Variants in PXK observed in about 807,000 individuals in gnomAD.
PXK encodes the protein PX domain containing serine/threonine kinase like.
Under a neutral mutation model 84.7 loss-of-function variants are expected in PXK, and 35 were observed. That is an observed-to-expected ratio of 0.41 (90% confidence interval 0.32 to 0.55). The LOEUF (loss-of-function observed/expected upper bound fraction) is 0.55. Ranked by LOEUF, PXK falls within the 20% of genes least tolerant of loss-of-function variation. The probability of loss-of-function intolerance (pLI) is 0.21; values close to 1 mark genes in which losing one functional copy is unlikely to be tolerated. For missense variants in PXK, 634 were observed against 699.7 expected (o/e 0.91, Z 1.06); for synonymous variants, 253 against 260.8 (o/e 0.97, Z 0.29).
At chr3:58,351,737 C>T (rs1190225086) in intron 1 of PXK, among the ~76,000 whole-genome samples, 3 of 152,016 alleles carry the variant, frequency 2.0e-5, no homozygotes, top group African/African-American at 7.2e-5. Context: ...ACAACAGAGG[C>T]TGGAGTCATG....
At chr3:58,403,823 G>A (rs1269188405) in intron 12 of PXK, 39 bp from the exon 13 acceptor site, 1 of 1,402,146 alleles carries the variant, frequency 7.1e-7, no homozygotes, top group Non-Finnish European at 9.8e-7. Flanking sequence ...GAGTGCACGT[G>A]GTTCAAGAAA....
intron 3 of PXK, among the ~76,000 whole-genome samples, chr3:58,378,827 C>T (rs1442557828): frequency 3.3e-5 from 5 of 151,914 alleles, no homozygotes; most frequent in Non-Finnish European, 5.9e-5. Flanking sequence ...TGAGCCACCG[C>T]GCCCAGCCGG....
intron 17 of PXK, chr3:58,420,390 T>G: frequency 1.1e-5 from 11 of 1,021,576 alleles, no homozygotes; most frequent in African/African-American, 1.6e-5. Flanking sequence ...GTGGTTAATT[T>G]GAGTATATCC....
chr3:58,418,776 A>C (rs2061378661), intron 17 of PXK, among the ~76,000 whole-genome samples: 1 of 152,196 alleles, frequency 6.6e-6, no homozygotes, highest in African/African-American at 2.4e-5. Flanking sequence ...TTTTGAGGTG[A>C]GAGAGCTGGC....
chr3:58,352,531 G>A (rs896869281), intron 1 of PXK, among the ~76,000 whole-genome samples: 10 of 152,114 alleles, frequency 6.6e-5, no homozygotes, highest in Admixed American at 1.3e-4. Flanking sequence ...GTTATATTTC[G>A]TTTTTAATTA....
intron 4 of PXK, among the ~76,000 whole-genome samples, chr3:58,386,525 G>C (rs980858053): frequency 2.0e-5 from 3 of 151,858 alleles, no homozygotes; most frequent in African/African-American, 7.3e-5. Flanking sequence ...TTGAACTCCT[G>C]ACCTTGTGAT....
chr3:58,406,750 G>A (rs1484010057), intron 13 of PXK, among the ~76,000 whole-genome samples: 2 of 151,946 alleles, frequency 1.3e-5, no homozygotes, highest in African/African-American at 2.4e-5. Flanking sequence ...CCACAGCTCC[G>A]GGCAATCACT....
At chr3:58,367,346 G>A (rs1372226515) in intron 2 of PXK, among the ~76,000 whole-genome samples, 3 of 151,816 alleles carry the variant, frequency 2.0e-5, no homozygotes, top group Non-Finnish European at 4.4e-5. Context: ...CTGGGTTCAC[G>A]CCATTCTCCT....
At chr3:58,373,734 G>C (rs2098409436) in intron 3 of PXK, among the ~76,000 whole-genome samples, 1 of 152,112 alleles carries the variant, frequency 6.6e-6, no homozygotes, top group South Asian at 2.1e-4. Context: ...CCTGGAAGTT[G>C]CTGTAAGCTT....
rs888058210 is a variant in PXK, at chr3:58,401,592, C to T, written c.1181+2215C>T. Among the ~76,000 whole-genome samples, 7 of 152,130 alleles carry T rather than the reference C, an allele frequency of 4.6e-5. No individual in the cohort carries two copies. The highest frequency in any genetic ancestry group is 7.4e-5 in the Non-Finnish European group (5 of 68,022). Reference sequence around the variant, plus strand: ...AGTGAGCTGTGAACTCACCACTGCACTCCAGCCTAGATGACAGAGTAAGAC... The same window carrying T: ...AGTGAGCTGTGAACTCACCACTGCATTCCAGCCTAGATGACAGAGTAAGAC... On this transcript the variant is annotated intron_variant, in intron 12 of 17. Coordinates refer to ENST00000356151, the MANE Select transcript of PXK (RefSeq NM_017771.5). The surrounding 1 kb of genome is among the most constrained non-coding windows in gnomAD (Gnocchi z 4.4).
At position 58,403,918 on chromosome 3, in the gene PXK, C is replaced by T; in HGVS notation, c.1230+8C>T. ...GAAAAACCACAGTTTAAGGTAAAGA[C>T]AATTATATCGTTTTTTGGTTTGTGA... is the stretch of plus-strand genomic sequence containing the variant. On this transcript the variant is annotated splice_region_variant and intron_variant, in intron 13 of 17. Transcript: ENST00000356151. 2 of 1,490,758 alleles carry T rather than the reference C, an allele frequency of 1.3e-6. No individual in the cohort carries two copies. The highest frequency in any genetic ancestry group is 1.8e-6 in the Non-Finnish European group (2 of 1,101,698). 92.3% of individuals were successfully genotyped at this position (1,490,758 alleles called of 1,614,324 possible).
intron 1 of PXK, among the ~76,000 whole-genome samples, chr3:58,341,761 C>T (rs1288010204): frequency 1.3e-5 from 2 of 150,878 alleles, no homozygotes; most frequent in East Asian, 2.0e-4. Flanking sequence ...TGGAGTGCAG[C>T]AGTGTGATCT....
At chr3:58,404,762 C>T (rs540581296) in intron 13 of PXK, among the ~76,000 whole-genome samples, 1 of 151,996 alleles carries the variant, frequency 6.6e-6, no homozygotes, top group Admixed American at 6.5e-5. Context: ...TCCAAAAGAA[C>T]ATGTAATACT....
At chr3:58,387,973 T>C (rs561533013) in intron 4 of PXK, among the ~76,000 whole-genome samples, 44 of 152,090 alleles carry the variant, frequency 2.9e-4, no homozygotes, top group African/African-American at 1.0e-3. Context: ...GCCAGAAAGG[T>C]AGGTTAAAGC....
rs545319388 is a variant in PXK, at chr3:58,396,491, T to C, written c.823-548T>C. Among the ~76,000 whole-genome samples the C allele has an allele frequency of 2.6e-5, 4 of 152,354 alleles. No individual in the cohort carries two copies. In the East Asian group the frequency reaches 7.7e-4, roughly 29 times the overall value. ...TTGCAGGGCTATATCTAAGCATCTC[T>C]CTTACTGGGTAAGCCACTGATTATT... On this transcript the variant is annotated intron_variant, in intron 9 of 17. Transcript: ENST00000356151.
At chr3:58,357,278 CAA>C (rs1290785479) in intron 1 of PXK, among the ~76,000 whole-genome samples, 2 of 131,818 alleles carry the variant, frequency 1.5e-5, no homozygotes, top group African/African-American at 2.8e-5. Flanking sequence ...GACTCTGTCT[CAA>C]AAAAAAAAAA....
At chr3:58,357,969 CA>C (rs1559912440) in intron 1 of PXK, among the ~76,000 whole-genome samples, 1 of 150,558 alleles carries the variant, frequency 6.6e-6, no homozygotes, top group South Asian at 2.1e-4. Context: ...TGTCTCAAAA[CA>C]AAAAAACAAA....
At chr3:58,384,775 A>G (rs963595022) in intron 4 of PXK, among the ~76,000 whole-genome samples, 3 of 152,178 alleles carry the variant, frequency 2.0e-5, no homozygotes, top group Non-Finnish European at 2.9e-5. Flanking sequence ...CATTTATTCA[A>G]CAAATGTGAT....
rs1366963175 is a variant in PXK, at chr3:58,416,639, G to C, written c.1528+3676G>C. ...TAGGGATTACACCATTTTTGTTTTT[G>C]AGACAGAGTCTGGGTCTGTCACCCA... On this transcript the variant is annotated intron_variant, in intron 17 of 17. Transcript: ENST00000356151. This position sits in a 1 kb window ranked among gnomAD's most constrained non-coding sequence, Gnocchi z 4.8. 6.6e-6 allele frequency among the ~76,000 whole-genome samples: 1 copy of C among 152,066 alleles called. No individual in the cohort carries two copies. The highest frequency in any genetic ancestry group is 2.4e-5 in the African/African-American group (1 of 41,414).
Sources: allele counts gnomAD v4.1 joint callset (sites outside exome capture counted in the v4.1 genomes callset), GRCh38; gene constraint gnomAD v4.1.1; non-coding constraint Gnocchi (gnomAD v3.1); transcripts MANE v1.5; gene names NCBI Gene and HGNC (gene_info 2026-07-23, HGNC 2026-07-21).